POTEE: variants seen among roughly 807,000 people sequenced by gnomAD.
POTEE encodes the protein POTE ankyrin domain family member E, also known as ANKRD26-like family C member 1A.
POTEE carries 21 observed loss-of-function variants against 74.2 expected under a neutral mutation model. The observed-to-expected ratio is 0.28, with a 90% CI of 0.20 to 0.41. The LOEUF (loss-of-function observed/expected upper bound fraction) is 0.41, where lower values mean the gene tolerates loss of function less well. Among genes scored for constraint, POTEE ranks in the 10% least tolerant of loss-of-function variants. The pLI, the probability that POTEE is intolerant of heterozygous loss-of-function variation, is 1.00. For synonymous variants in POTEE, 211 were observed against 432.8 expected, an observed-to-expected ratio of 0.49 and a Z score of 6.36; for missense variants, 525 against 1,158.6, an observed-to-expected ratio of 0.45 and a Z score of 7.94.
chr2:131,214,482 T>C (rs1267591232), intron 2 of POTEE, among the ~76,000 whole-genome samples: 1 of 152,100 alleles, frequency 6.6e-6, no homozygotes, highest in Non-Finnish European at 1.5e-5. Flanking sequence ...GTGGAAGTTG[T>C]GTTATGGTTC....
chr2:131,211,124 C>T lies in POTEE; in HGVS notation c.-248C>T, dbSNP rs1700346467. ...ACGCTGGAGCCTGCATGTGGCGTGACTCTGCAGCTCGCCTCGTGTGACTGA... is the reference window on the plus strand; with the variant it reads ...ACGCTGGAGCCTGCATGTGGCGTGATTCTGCAGCTCGCCTCGTGTGACTGA... On this transcript the variant is annotated 5_prime_UTR_variant, in exon 2 of 18. Transcript: ENST00000683005. 6.6e-6 allele frequency among the ~76,000 whole-genome samples: 1 copy of T among 151,816 alleles called. No individual in the cohort carries two copies. Among genetic ancestry groups the T allele is most frequent in the Non-Finnish European group, 1.5e-5 (1 of 68,022 alleles).
intron 10 of POTEE, among the ~76,000 whole-genome samples, chr2:131,237,213 T>G (rs1264036748): frequency 6.7e-6 from 1 of 149,580 alleles, no homozygotes; most frequent in Non-Finnish European, 1.5e-5. Flanking sequence ...TATTGGATTA[T>G]GTTATTAAGC....
intron 4 of POTEE, among the ~76,000 whole-genome samples, chr2:131,219,506 G>A (rs1329227391): frequency 2.0e-5 from 3 of 152,144 alleles, no homozygotes; most frequent in East Asian, 1.9e-4. Flanking sequence ...TTTGGGAGGC[G>A]GGCGGATCAC....
At chr2:131,211,414 G>A (rs1700354454) in intron 2 of POTEE, among the ~76,000 whole-genome samples, 1 of 150,512 alleles carries the variant, frequency 6.6e-6, no homozygotes, top group Non-Finnish European at 1.5e-5. Context: ...GTGCACTTAG[G>A]GAAAGGAGTC....
chr2:131,256,805 TGAA>T (rs1701585471), intron 16 of POTEE, among the ~76,000 whole-genome samples: 1 of 147,444 alleles, frequency 6.8e-6, no homozygotes. Flanking sequence ...ATGAAGAAAA[TGAA>T]AAAAAAGAGA....
At chr2:131,224,254 T>A (rs375696600) in intron 6 of POTEE, among the ~76,000 whole-genome samples, 2 of 151,364 alleles carry the variant, frequency 1.3e-5, no homozygotes, top group African/African-American at 4.9e-5. Context: ...AATGCACTTG[T>A]GGTAAATACT....
At position 131,226,740 on chromosome 2, in the gene POTEE, G is replaced by T; in HGVS notation, c.811-83G>T. 3 of 1,598,904 alleles carry T rather than the reference G, an allele frequency of 1.9e-6. No individual in the cohort carries two copies. The East Asian group carries it at 6.7e-5, about 36-fold the overall frequency. On this transcript the variant is annotated intron_variant, in intron 6 of 17. Transcript: ENST00000683005. ...ACTTTCTATGCGTGTAAGTCCATAAGATCTTACATAAAGTTTCCACTTTGG... is the reference window on the plus strand; with the variant it reads ...ACTTTCTATGCGTGTAAGTCCATAATATCTTACATAAAGTTTCCACTTTGG...
At position 131,264,125 on chromosome 2, in the gene POTEE, G is replaced by C. The variant is rs1701825135; in HGVS notation, c.2670G>C (p.Met890Ile). 6.2e-7 allele frequency: 1 copy of C among 1,614,170 alleles called. No individual in the cohort carries two copies. Among genetic ancestry groups the C allele is most frequent in the Non-Finnish European group, 8.5e-7 (1 of 1,180,064 alleles). Residue 890 changes from methionine to isoleucine, a missense_variant, in exon 18 of 18, where the codon ATG becomes ATC. By Grantham distance (10) the Met-to-Ile change is conservative (BLOSUM62 1). Coordinates refer to ENST00000683005, the MANE Select transcript of POTEE (RefSeq NM_001083538.3). ...LAGRELPDYL[M>I]KILTERGYRF... ...GGCGGGAACTGCCTGACTACCTCAT[G>C]AAGATCCTCACCGAGCGTGGCTATA...
At chr2:131,211,326 A>G (rs1250362289) in intron 2 of POTEE, among the ~76,000 whole-genome samples, 143 bp downstream of exon 2, 4 of 151,188 alleles carry the variant, frequency 2.6e-5, no homozygotes, top group Non-Finnish European at 4.4e-5. Context: ...GAGTAGGAGC[A>G]CTGCAGGGCC....
chr2:131,221,542 A>G (rs1174488264), intron 4 of POTEE, among the ~76,000 whole-genome samples: 4 of 152,166 alleles, frequency 2.6e-5, no homozygotes, highest in Non-Finnish European at 4.4e-5. Context: ...ATCCTTGGGA[A>G]GAGAAGGAAT....
chr2:131,221,954 A>G (rs1341094031), intron 4 of POTEE, among the ~76,000 whole-genome samples: 1 of 152,376 alleles, frequency 6.6e-6, no homozygotes, highest in African/African-American at 2.4e-5. Context: ...GGCATATTCT[A>G]CTATCTCTCA....
At position 131,253,014 on chromosome 2, in the gene POTEE, G is replaced by GTCA. The variant is rs1701481882; in HGVS notation, c.1693_1694insTCA (p.Gly565delinsValSer). ...GACTAATGGTGCCACTGCTGGCAAT[G>GTCA]GTGATGATGGATTAATTCCTCCAAG... On this transcript the variant is annotated protein_altering_variant, in exon 16 of 18. Transcript: ENST00000683005. The GTCA allele has an allele frequency of 6.2e-7, 1 of 1,612,472 alleles. No individual in the cohort carries two copies. The highest frequency in any genetic ancestry group is 8.5e-7 in the Non-Finnish European group (1 of 1,179,794).
At chr2:131,256,962 T>C (rs1167934860) in intron 16 of POTEE, among the ~76,000 whole-genome samples, 1 of 152,306 alleles carries the variant, frequency 6.6e-6, no homozygotes, top group Non-Finnish European at 1.5e-5. Flanking sequence ...CATCTTTAAC[T>C]TCAAACCTGT....
In POTEE at chr2:131,263,860, C is replaced by G; in HGVS notation, c.2405C>G (p.Pro802Arg). The G allele has an allele frequency of 6.2e-7, 1 of 1,614,164 alleles. No homozygotes were observed. Residue 802 changes from proline (P) to arginine (R), a missense_variant, in exon 18 of 18, where the codon CCC (proline) becomes CGC (arginine). Physicochemically the swap from Pro to Arg is moderately radical, Grantham distance 103. Transcript: ENST00000683005. ...CTGCGTGTGGCTCCCGAGGAGCACCCCATCCTGCTGACCGAGGCCCCCCTG... is the reference window on the plus strand; with the variant it reads ...CTGCGTGTGGCTCCCGAGGAGCACCGCATCCTGCTGACCGAGGCCCCCCTG... ...NELRVAPEEH[P>R]ILLTEAPLNP...
At position 131,252,531 on chromosome 2, in the gene POTEE, ATC is replaced by A; in HGVS notation, c.1560_1561del (p.Gln521ArgfsTer6). On this transcript the variant is annotated frameshift_variant, in exon 15 of 18. Coordinates refer to ENST00000683005, the MANE Select transcript of POTEE (RefSeq NM_001083538.3). LOFTEE classifies it high-confidence loss of function. ...GSENGQPEKR[S>X]QEPEINKDGD... Reference sequence around the variant, plus strand: ...TTCTGTTTTTACATCTGCAGAAAAGATCTCAAGAACCAGAAATAAATAAGGAT... The same window carrying A: ...TTCTGTTTTTACATCTGCAGAAAAGATCAAGAACCAGAAATAAATAAGGAT... The A allele has an allele frequency of 2.4e-6, 1 of 412,018 alleles. No homozygotes were observed. The highest frequency in any genetic ancestry group is 3.6e-6 in the Non-Finnish European group (1 of 281,538). 25.5% of individuals were successfully genotyped at this position (412,018 alleles called of 1,614,324 possible).
intron 8 of POTEE, chr2:131,229,478 T>C (rs1402175208): frequency 2.0e-5 from 3 of 152,186 alleles, no homozygotes; most frequent in African/African-American, 7.2e-5. Context: ...GATTTTAAGA[T>C]ATTTTCAAAC....
intron 2 of POTEE, among the ~76,000 whole-genome samples, chr2:131,215,160 C>G (rs1489043045): frequency 6.6e-6 from 1 of 151,806 alleles, no homozygotes; most frequent in African/African-American, 2.4e-5. Context: ...TTACTTTCTT[C>G]AGCATTTACA....
rs1701820041 is a variant in POTEE, at chr2:131,264,054, G to T, written c.2599G>T (p.Glu867Ter). 2.5e-6 allele frequency: 4 copies of T among 1,614,198 alleles called. No homozygotes were observed. The highest frequency in any genetic ancestry group is 2.7e-5 in the African/African-American group (2 of 75,072). Residue 867 changes from glutamate (E) to a stop codon, truncating the protein, a stop_gained, in exon 18 of 18, where the codon GAG (glutamate) becomes TAG (stop). Transcript: ENST00000683005. LOFTEE classifies it high-confidence loss of function. The stretch of plus-strand genomic sequence containing the variant: ...GGTCACCCACACTGTGCCCATCTAT[G>T]AGGGGAATGCCCTCCCCCATGCCAC... Reference protein sequence around the residue: ...DGVTHTVPIYEGNALPHATLR... With the variant: ...DGVTHTVPIY
intron 8 of POTEE, among the ~76,000 whole-genome samples, chr2:131,230,517 C>T (rs1360966529): frequency 6.6e-6 from 1 of 152,116 alleles, no homozygotes; most frequent in African/African-American, 2.4e-5. Context: ...AGCAAGTTGT[C>T]CAAGAACAAA....
Sources: allele counts gnomAD v4.1 joint callset (sites outside exome capture counted in the v4.1 genomes callset), GRCh38; gene constraint gnomAD v4.1.1; transcripts MANE v1.5; gene names NCBI Gene and HGNC (gene_info 2026-07-23, HGNC 2026-07-21).